The following MMP14 variants were observed in gnomAD, a reference collection of about 807,000 sequenced individuals.
MMP14 encodes matrix metallopeptidase 14, also known as matrix metalloproteinase-14.
Under a neutral mutation model 64.8 loss-of-function variants are expected in MMP14, and 13 were observed. That is an observed-to-expected ratio of 0.20 (90% CI 0.13 to 0.32). The LOEUF is 0.32. Ranked by LOEUF, MMP14 falls within the 10% of genes least tolerant of loss-of-function variation. The pLI, the probability that MMP14 is intolerant of heterozygous loss-of-function variation, is 1.00. For missense variants in MMP14, 594 were observed against 783.8 expected (o/e 0.76, Z 2.89); for synonymous variants, 322 against 315.9 (o/e 1.02, Z -0.20).
chr14:22,840,694 T>C (rs2039767026), intron 1 of MMP14, among the ~76,000 whole-genome samples: 1 of 152,106 alleles, frequency 6.6e-6, no homozygotes, highest in African/African-American at 2.4e-5. Flanking sequence ...GTATTTTTAG[T>C]AGAGACAGGG....
In MMP14 at chr14:22,847,622, G is replaced by C. The variant is rs867143871; in HGVS notation, c.*1583G>C. 1 of 151,018 alleles carries C rather than the reference G, an allele frequency of 6.6e-6. No individual in the cohort carries two copies. Among genetic ancestry groups the C allele is most frequent in the African/African-American group, 2.4e-5 (1 of 41,026 alleles). The allele number at this position is 151,018 out of a possible 1,614,324, so 9.4% of individuals were successfully genotyped here. A position where few individuals can be genotyped will look rare whatever the true frequency, so the allele number is the denominator to read the frequency against. Reference sequence around the variant, plus strand: ...CAAATCGTTCCTTTTTGTTAACAAGGGGCATGGGGAGGGGTGGGGGTGGGG... The same window carrying C: ...CAAATCGTTCCTTTTTGTTAACAAGCGGCATGGGGAGGGGTGGGGGTGGGG... On this transcript the variant is annotated 3_prime_UTR_variant, in exon 10 of 10. Coordinates refer to ENST00000311852, the MANE Select transcript of MMP14 (RefSeq NM_004995.4).
At chr14:22,837,056 C>A in intron 1 of MMP14, 131 bp downstream of exon 1, 1 of 738,228 alleles carries the variant, frequency 1.4e-6, no homozygotes, top group Non-Finnish European at 2.4e-6. Flanking sequence ...GCAGGATTCC[C>A]CCTCCCTTTC....
At chr14:22,838,976 G>A (rs959867139) in intron 1 of MMP14, among the ~76,000 whole-genome samples, 5 of 152,196 alleles carry the variant, frequency 3.3e-5, no homozygotes, top group African/African-American at 1.2e-4. Context: ...GAGGTTGTAG[G>A]TGTGAATATT....
chr14:22,846,763 C>G lies in MMP14; in HGVS notation c.*724C>G, dbSNP rs1240288061. The G allele has an allele frequency of 6.5e-6, 1 of 152,720 alleles. No individual in the cohort carries two copies. The highest frequency in any genetic ancestry group is 2.1e-4 in the South Asian group (1 of 4,832). 9.5% of individuals were successfully genotyped at this position (152,720 alleles called of 1,614,324 possible). A position where few individuals can be genotyped will look rare whatever the true frequency, so the allele number is the denominator to read the frequency against. ...AAACCCTTGGCAGCCCTGTGCCTCT[C>G]GAATGTTAGCCTTGGATGGGGCTTT... On this transcript the variant is annotated 3_prime_UTR_variant, in exon 10 of 10. Coordinates refer to ENST00000311852, the MANE Select transcript of MMP14 (RefSeq NM_004995.4).
In MMP14 at chr14:22,839,573, G is replaced by A. The variant is rs17881658; in HGVS notation, c.109-1918G>A. On this transcript the variant is annotated intron_variant, in intron 1 of 9. Coordinates refer to ENST00000311852, the MANE Select transcript of MMP14 (RefSeq NM_004995.4). ...GAAAAGGCTGGGTTGTTTACATCTC[G>A]GGTTCTAGCTCGCATCAGCCTTGGG... is the stretch of plus-strand genomic sequence containing the variant. Among the ~76,000 whole-genome samples the A allele has an allele frequency of 6.1e-3, 924 of 152,302 alleles. 5 individuals are homozygous for A. Among genetic ancestry groups the A allele is most frequent in the African/African-American group, 0.019 (771 of 41,562 alleles).
chr14:22,838,995 C>T (rs2039754363), intron 1 of MMP14, among the ~76,000 whole-genome samples: 1 of 152,174 alleles, frequency 6.6e-6, no homozygotes, highest in Non-Finnish European at 1.5e-5. Context: ...TTTAGACCCC[C>T]CTAGCTTCTT....
Position 22,844,656 on chromosome 14 carries a change from G to A in MMP14, c.1177G>A (p.Ala393Thr), listed in dbSNP as rs1479786662. ...KGDKHWVFDEASLEPGYPKHI... is the reference protein window; with the variant it reads ...KGDKHWVFDETSLEPGYPKHI... ...AGACAAGCATTGGGTGTTTGATGAG[G>A]CGTCCCTGGAACCTGGCTACCCCAA... is the stretch of plus-strand genomic sequence containing the variant. The change falls in exon 8 of 10, where the codon GCG (alanine) becomes ACG (threonine). Residue 393 changes from alanine to threonine, a missense_variant. By Grantham distance (58) the Ala-to-Thr change is moderately conservative. Coordinates refer to ENST00000311852, the MANE Select transcript of MMP14 (RefSeq NM_004995.4). The A allele has an allele frequency of 1.9e-6, 3 of 1,613,990 alleles. No individual in the cohort carries two copies. Among genetic ancestry groups the A allele is most frequent in the African/African-American group, 1.3e-5 (1 of 74,880 alleles).
rs923118907 is a variant in MMP14, at chr14:22,842,089, A to C, written c.380+54A>C. ...CACATCTGGTTATTATTTCCTACCC[A>C]TTGTGCTTATGCAGGGACTCAGAGA... On this transcript the variant is annotated intron_variant, in intron 3 of 9. Coordinates refer to ENST00000311852, the MANE Select transcript of MMP14 (RefSeq NM_004995.4). This position sits in a 1 kb window ranked among gnomAD's most constrained non-coding sequence, Gnocchi z 5.3. 1 of 1,608,700 alleles carries C rather than the reference A, an allele frequency of 6.2e-7. No individual in the cohort carries two copies. Among genetic ancestry groups the C allele is most frequent in the Non-Finnish European group, 8.5e-7 (1 of 1,176,226 alleles).
At chr14:22,841,056 G>C (rs2039769603) in intron 1 of MMP14, among the ~76,000 whole-genome samples, 1 of 152,234 alleles carries the variant, frequency 6.6e-6, no homozygotes, top group Non-Finnish European at 1.5e-5. Flanking sequence ...CTCAGGTCAA[G>C]CCCAATAGTA....
intron 1 of MMP14, among the ~76,000 whole-genome samples, chr14:22,838,591 A>G (rs1029175083): frequency 6.6e-6 from 1 of 152,194 alleles, no homozygotes; most frequent in African/African-American, 2.4e-5. Context: ...AGACAAAGCC[A>G]GCCGACTGGG....
intron 6 of MMP14, among the ~76,000 whole-genome samples, 189 bp from the exon 7 acceptor site, chr14:22,844,182 G>A (rs953175473): frequency 6.9e-6 from 1 of 144,466 alleles, no homozygotes; most frequent in Admixed American, 6.9e-5. Context: ...GGACAACAGT[G>A]TGAGACTCCA....
At position 22,846,408 on chromosome 14, in the gene MMP14, C is replaced by T. The variant is rs905512136; in HGVS notation, c.*369C>T. 5 of 234,036 alleles carry T rather than the reference C, an allele frequency of 2.1e-5. No homozygotes were observed. Among genetic ancestry groups the T allele is most frequent in the South Asian group, 1.3e-4 (1 of 7,822 alleles). The allele number at this position is 234,036 out of a possible 1,614,324, so 14.5% of individuals were successfully genotyped here. A position where few individuals can be genotyped will look rare whatever the true frequency, so the allele number is the denominator to read the frequency against. ...AAAGGTCAAATGGGGTCATCTGCTC[C>T]TTTTCCATCCCCTGACATACCTTAA... is the stretch of plus-strand genomic sequence containing the variant. On this transcript the variant is annotated 3_prime_UTR_variant, in exon 10 of 10. Transcript: ENST00000311852.
At chr14:22,845,537 A>G (rs549141706) in intron 9 of MMP14, among the ~76,000 whole-genome samples, 171 bp downstream of exon 9, 2 of 152,176 alleles carry the variant, frequency 1.3e-5, no homozygotes, top group Admixed American at 1.3e-4. Flanking sequence ...CATCCCCACC[A>G]CCTTCCAACC....
rs1254492935 is a variant in MMP14, at chr14:22,841,537, C to T, written c.155C>T (p.Thr52Ile). The change falls in exon 2 of 10, where the codon ACC (threonine) becomes ATC (isoleucine). Residue 52 changes from threonine to isoleucine, a missense_variant. This residue lies in a region of MMP14 where 179 missense variants were observed against 283.4 expected (regional missense o/e 0.63). Coordinates refer to ENST00000311852, the MANE Select transcript of MMP14 (RefSeq NM_004995.4). ...TACCTGCCTCCCGGGGACCTACGTACCCACACACAGCGCTCACCCCAGTCA... is the reference window on the plus strand; with the variant it reads ...TACCTGCCTCCCGGGGACCTACGTATCCACACACAGCGCTCACCCCAGTCA... The part of the protein sequence containing the change: ...YGYLPPGDLR[T>I]HTQRSPQSLS... 1.9e-6 allele frequency: 3 copies of T among 1,614,138 alleles called. No individual in the cohort carries two copies. Among genetic ancestry groups the T allele is most frequent in the African/African-American group, 2.7e-5 (2 of 75,034 alleles).
intron 1 of MMP14, among the ~76,000 whole-genome samples, chr14:22,840,143 T>G (rs1473411781): frequency 6.6e-6 from 1 of 151,878 alleles, no homozygotes; most frequent in East Asian, 1.9e-4. Flanking sequence ...ATTTTTGTAT[T>G]TTTAGTAGAG....
At position 22,845,829 on chromosome 14, in the gene MMP14, G is replaced by T. The variant is rs778343260; in HGVS notation, c.1539G>T (p.Arg513=). 1 of 1,614,184 alleles carries T rather than the reference G, an allele frequency of 6.2e-7. No individual in the cohort carries two copies. Among genetic ancestry groups the T allele is most frequent in the African/African-American group, 1.3e-5 (1 of 75,056 alleles). ...RDWMGCPSGG[R]PDEGTEEETE... ...GGATGGGCTGCCCATCGGGAGGCCG[G>T]CCGGATGAGGGGACTGAGGAGGAGA... Residue 513 remains arginine, a synonymous_variant, in exon 10 of 10, where the codon CGG becomes CGT. Transcript: ENST00000311852.
At position 22,843,700 on chromosome 14, in the gene MMP14, T is replaced by G; in HGVS notation, c.851-10T>G. 6.3e-7 allele frequency: 1 copy of G among 1,585,986 alleles called. No homozygotes were observed. Among genetic ancestry groups the G allele is most frequent in the Non-Finnish European group, 8.5e-7 (1 of 1,170,946 alleles). The stretch of plus-strand genomic sequence containing the variant: ...TAAGTCTGAAATGCCCCTCGTGTTT[T>G]CTGCCCCAGGGGGTGAGTCAGGGTT... On this transcript the variant is annotated splice_polypyrimidine_tract_variant and intron_variant, in intron 5 of 9. Coordinates refer to ENST00000311852, the MANE Select transcript of MMP14 (RefSeq NM_004995.4). The surrounding 1 kb of genome is among the most constrained non-coding windows in gnomAD (Gnocchi z 4.8).
chr14:22,844,577 A>T, intron 7 of MMP14, 53 bp from the exon 8 acceptor site: 1 of 1,613,478 alleles, frequency 6.2e-7, no homozygotes, highest in Non-Finnish European at 8.5e-7. Context: ...GATTTCCTCT[A>T]AAGTCCCTAG....
Position 22,843,357 on chromosome 14 carries a change from G to A in MMP14, c.789G>A (p.Trp263Ter), listed in dbSNP as rs943286775. The A allele has an allele frequency of 1.2e-6, 2 of 1,614,104 alleles. No homozygotes were observed. Among genetic ancestry groups the A allele is most frequent in the South Asian group, 2.2e-5 (2 of 91,080 alleles). ...PSAIMAPFYQ[W>*]MDTENFVLPD... is the part of the protein sequence containing the mutation. Reference sequence around the variant, plus strand: ...CCATCATGGCACCCTTTTACCAGTGGATGGACACGGAGAATTTTGTGCTGC... The same window carrying A: ...CCATCATGGCACCCTTTTACCAGTGAATGGACACGGAGAATTTTGTGCTGC... Residue 263 changes from tryptophan (W) to a stop codon, truncating the protein, a stop_gained, in exon 5 of 10, where the codon TGG (tryptophan) becomes TGA (stop). Transcript: ENST00000311852. LOFTEE classifies it high-confidence loss of function. This position sits in a 1 kb window ranked among gnomAD's most constrained non-coding sequence, Gnocchi z 4.8.
Sources: allele counts gnomAD v4.1 joint callset (sites outside exome capture counted in the v4.1 genomes callset), GRCh38; gene constraint gnomAD v4.1.1; regional missense constraint gnomAD v4.1.1; non-coding constraint Gnocchi (gnomAD v3.1); transcripts MANE v1.5; gene names NCBI Gene and HGNC (gene_info 2026-07-23, HGNC 2026-07-21).